The following CACNA1D variants were observed in gnomAD, a reference collection of about 807,000 sequenced individuals.
CACNA1D encodes the protein voltage-dependent L-type calcium channel subunit alpha-1D.
A neutral mutation model predicts 257.1 loss-of-function variants in CACNA1D; 55 were observed. That is an observed-to-expected ratio of 0.21 (90% confidence interval 0.17 to 0.27). The LOEUF is 0.27. Among genes scored for constraint, CACNA1D ranks in the 10% least tolerant of loss-of-function variants. CACNA1D has a pLI of 1.00. For missense variants in CACNA1D, 1,876 were observed against 2,784.0 expected, an observed-to-expected ratio of 0.67 and a Z score of 7.34; for synonymous variants, 980 against 1,014.9, an observed-to-expected ratio of 0.97 and a Z score of 0.65.
rs534276360 is a variant in CACNA1D at position 53,735,093 on chromosome 3, TGAG to T, written c.2622-278_2622-276del. Among the ~76,000 whole-genome samples, 20 of 152,312 alleles carry T rather than the reference TGAG, an allele frequency of 1.3e-4. No individual in the cohort carries two copies. In the South Asian group the frequency reaches 3.9e-3, roughly 30 times the overall value. ...TTATTAAGCCTCAGTTTCCCCATCTTGAGGAAGACAACAAGCCCCACTTCCAAG... is the reference window on the plus strand; with the variant it reads ...TTATTAAGCCTCAGTTTCCCCATCTTGAAGACAACAAGCCCCACTTCCAAG... On this transcript the variant is annotated intron_variant, in intron 19 of 47. Coordinates refer to ENST00000350061, the MANE Select transcript of CACNA1D (RefSeq NM_001128840.3).
At chr3:53,711,956 G>C (rs1236889421) in intron 9 of CACNA1D, among the ~76,000 whole-genome samples, 2 of 152,224 alleles carry the variant, frequency 1.3e-5, no homozygotes, top group Non-Finnish European at 2.9e-5. Context: ...ACAGGAGGCT[G>C]GGCTTGATGC....
intron 35 of CACNA1D, among the ~76,000 whole-genome samples, chr3:53,776,348 T>G (rs935958708): frequency 6.6e-6 from 1 of 152,222 alleles, no homozygotes; most frequent in Non-Finnish European, 1.5e-5. Context: ...AGAGTGTGAA[T>G]TATTTGGTGA....
At chr3:53,672,080 C>T (rs2094328227) in intron 7 of CACNA1D, among the ~76,000 whole-genome samples, 1 of 152,200 alleles carries the variant, frequency 6.6e-6, no homozygotes, top group African/African-American at 2.4e-5. Flanking sequence ...ATCCTTAAAG[C>T]CCTGTTTGCT....
At chr3:53,638,812 C>T (rs552443788) in intron 3 of CACNA1D, among the ~76,000 whole-genome samples, 1 of 152,320 alleles carries the variant, frequency 6.6e-6, no homozygotes, top group East Asian at 1.9e-4. Context: ...CAGATACACT[C>T]CCAACAGCTG....
At chr3:53,524,579 G>C (rs546203266) in intron 3 of CACNA1D, among the ~76,000 whole-genome samples, 1 of 152,370 alleles carries the variant, frequency 6.6e-6, no homozygotes, top group South Asian at 2.1e-4. Context: ...CTAGGGATGA[G>C]ATGATGGAGC....
intron 8 of CACNA1D, among the ~76,000 whole-genome samples, chr3:53,701,892 A>G (rs1228218156): frequency 1.3e-5 from 2 of 152,222 alleles, no homozygotes; most frequent in African/African-American, 4.8e-5. Context: ...AGGTGTTCCT[A>G]TAAATGGGCA....
At position 53,789,939 on chromosome 3, in the gene CACNA1D, A is replaced by G. The variant is rs1440016200; in HGVS notation, c.4923+2987A>G. 6.6e-6 allele frequency among the ~76,000 whole-genome samples: 1 copy of G among 152,172 alleles called. No individual in the cohort carries two copies. Among genetic ancestry groups the G allele is most frequent in the Non-Finnish European group, 1.5e-5 (1 of 68,036 alleles). ...GGGAATGGCTTGAGCTCCTGGATCC[A>G]TGTGTGGGAAGGAGCTCGGCATCCG... is the stretch of plus-strand genomic sequence containing the variant. On this transcript the variant is annotated intron_variant, in intron 40 of 47. Coordinates refer to ENST00000350061, the MANE Select transcript of CACNA1D (RefSeq NM_001128840.3). The surrounding 1 kb of genome is among the most constrained non-coding windows in gnomAD (Gnocchi z 4.2).
chr3:53,745,158 G>T (rs576537313), intron 23 of CACNA1D, among the ~76,000 whole-genome samples: 2 of 151,626 alleles, frequency 1.3e-5, no homozygotes, highest in South Asian at 4.2e-4. Flanking sequence ...AAGGCTACTG[G>T]GTTTCTGTTT....
At position 53,726,322 on chromosome 3, in the gene CACNA1D, G is replaced by A. The variant is rs148144015; in HGVS notation, c.2101-557G>A. ...GCTTTCTGGGGAAGGGACTAAAACTGGGCTGGGGTGTAATCAAAAAGCACA... is the reference window on the plus strand; with the variant it reads ...GCTTTCTGGGGAAGGGACTAAAACTAGGCTGGGGTGTAATCAAAAAGCACA... On this transcript the variant is annotated intron_variant, in intron 14 of 47. Coordinates refer to ENST00000350061, the MANE Select transcript of CACNA1D (RefSeq NM_001128840.3). Among the ~76,000 whole-genome samples, 538 of 152,300 alleles carry A rather than the reference G, an allele frequency of 3.5e-3. 3 individuals are homozygous for A. Among genetic ancestry groups the A allele is most frequent in the African/African-American group, 0.012 (512 of 41,562 alleles).
chr3:53,649,023 A>G (rs549053630), intron 3 of CACNA1D, among the ~76,000 whole-genome samples: 1 of 152,276 alleles, frequency 6.6e-6, no homozygotes, highest in East Asian at 1.9e-4. Context: ...ACTGGGATGC[A>G]TGGCCATGGC....
At position 53,520,849 on chromosome 3, in the gene CACNA1D, CCTTTCTTT is replaced by C. The variant is rs71074924; in HGVS notation, c.483+19170_483+19177del. Among the ~76,000 whole-genome samples the C allele has an allele frequency of 5.0e-3, 659 of 133,090 alleles. 5 individuals carry two copies. Among genetic ancestry groups the C allele is most frequent in the East Asian group, 0.013 (62 of 4,746 alleles). 87.3% of individuals were successfully genotyped at this position (133,090 alleles called of 152,430 possible). A position where few individuals can be genotyped will look rare whatever the true frequency, so the allele number is the denominator to read the frequency against. ...TTTTTGGATTTATGATTTGCAAACT[CCTTTCTTT>C]CTTTCTTTCTTTCTTTCTTTCTTTC... On this transcript the variant is annotated intron_variant, in intron 3 of 47. Coordinates refer to ENST00000350061, the MANE Select transcript of CACNA1D (RefSeq NM_001128840.3).
intron 9 of CACNA1D, among the ~76,000 whole-genome samples, chr3:53,712,414 G>A (rs1470087317): frequency 2.0e-5 from 3 of 152,194 alleles, no homozygotes; most frequent in Non-Finnish European, 4.4e-5. Flanking sequence ...CATAATTCTT[G>A]CTTGAGACAT....
chr3:53,666,736 G>A (rs1024649605), intron 7 of CACNA1D, among the ~76,000 whole-genome samples: 1 of 152,148 alleles, frequency 6.6e-6, no homozygotes, highest in Non-Finnish European at 1.5e-5. Flanking sequence ...AAGCTGCTGC[G>A]CGATGTTGGC....
At chr3:53,661,338 A>G (rs1691063475) in intron 5 of CACNA1D, among the ~76,000 whole-genome samples, 1 of 152,108 alleles carries the variant, frequency 6.6e-6, no homozygotes, top group African/African-American at 2.4e-5. Context: ...TCTGGAAAAA[A>G]AAATTTCCAA....
chr3:53,664,439 C>T (rs190897591), intron 5 of CACNA1D, among the ~76,000 whole-genome samples: 6 of 152,372 alleles, frequency 3.9e-5, no homozygotes, highest in African/African-American at 1.2e-4. Flanking sequence ...CTTTCTAAAG[C>T]AGCTGCCTTT....
chr3:53,760,459 A>G (rs139875093), intron 29 of CACNA1D, among the ~76,000 whole-genome samples: 62 of 152,326 alleles, frequency 4.1e-4, no homozygotes, highest in African/African-American at 1.5e-3. Flanking sequence ...GCCCCATTTT[A>G]TATAATATGT....
Position 53,673,887 on chromosome 3 carries a change from T to G in CACNA1D, c.1220+761T>G, listed in dbSNP as rs1408927928. On this transcript the variant is annotated intron_variant, in intron 8 of 47. Coordinates refer to ENST00000350061, the MANE Select transcript of CACNA1D (RefSeq NM_001128840.3). The surrounding 1 kb of genome is among the most constrained non-coding windows in gnomAD (Gnocchi z 4.1). ...GAGGCAACTCTGCGTGTCTCCTAGCTGCTCCCTGACAGCTTCTCTGCATGT... is the reference window on the plus strand; with the variant it reads ...GAGGCAACTCTGCGTGTCTCCTAGCGGCTCCCTGACAGCTTCTCTGCATGT... The G allele has an allele frequency of 1.1e-6, 1 of 938,150 alleles. No homozygotes were observed. The highest frequency in any genetic ancestry group is 1.8e-6 in the Non-Finnish European group (1 of 563,534). The allele number at this position is 938,150 out of a possible 1,614,324, so 58.1% of individuals were successfully genotyped here.
intron 3 of CACNA1D, among the ~76,000 whole-genome samples, chr3:53,598,139 G>C (rs927493171): frequency 6.6e-6 from 1 of 151,966 alleles, no homozygotes; most frequent in African/African-American, 2.4e-5. Flanking sequence ...GAAAATGAAG[G>C]GTGCTTGGCA....
Position 53,783,502 on chromosome 3 carries a change from G to A in CACNA1D, c.4792+1835G>A, listed in dbSNP as rs3774590. On this transcript the variant is annotated intron_variant, in intron 39 of 47. Transcript: ENST00000350061. ...GACAGGTTTTAATCTATTCCACAACGGCAGCGAGAGGCAGTGTGAGGCACA... is the reference window on the plus strand; with the variant it reads ...GACAGGTTTTAATCTATTCCACAACAGCAGCGAGAGGCAGTGTGAGGCACA... Among the ~76,000 whole-genome samples, 143 of 152,250 alleles carry A rather than the reference G, an allele frequency of 9.4e-4. 2 individuals carry two copies. In the East Asian group the frequency reaches 0.024, roughly 25 times the overall value.
Sources: gnomAD v4.1 joint callset for allele counts (sites outside exome capture counted in the v4.1 genomes callset) on GRCh38, gnomAD v4.1.1 for gene constraint, Gnocchi (gnomAD v3.1) non-coding constraint, MANE v1.5 for transcripts, NCBI Gene and HGNC (gene_info 2026-07-23, HGNC 2026-07-21) for gene names.